Variants in GAK observed in about 807,000 individuals in gnomAD.
GAK encodes cyclin G associated kinase, also known as cyclin-G-associated kinase.
In GAK, 79 loss-of-function variants were observed where a neutral mutation model predicts 143.9. The ratio of observed to expected loss-of-function variants is 0.55; its 90% CI spans 0.46 to 0.66. The LOEUF is 0.66. GAK is among the 30% of genes least tolerant of loss of function. The probability of loss-of-function intolerance (pLI) is 0.00; values close to 1 mark genes in which losing one functional copy is unlikely to be tolerated. For synonymous variants in GAK, 881 were observed against 765.5 expected (o/e 1.15, Z -2.49); for missense variants, 1,693 against 1,779.7 (o/e 0.95, Z 0.88).
chr4:867,224 C>A lies in GAK; in HGVS notation c.2604G>T (p.Pro868=). Residue 868 remains proline, a synonymous_variant, in exon 21 of 28, where the codon CCG becomes CCT. Transcript: ENST00000314167. The part of the protein sequence containing the change: ...QQDLVFEVET[P]AVLPEPVPQE... The stretch of plus-strand genomic sequence containing the variant: ...GTGGCACAGGCTCTGGCAGCACAGC[C>A]GGTGTCTCCACCTCAAAAACCAAGT... The A allele has an allele frequency of 6.2e-7, 1 of 1,612,850 alleles. No homozygotes were observed. Among genetic ancestry groups the A allele is most frequent in the East Asian group, 2.2e-5 (1 of 44,868 alleles).
rs184760730 is a variant in GAK at position 886,051 on chromosome 4, C to T, written c.1206-1965G>A. ...GAAGTGCTGGGATTACACGAGCCAC[C>T]GTGCCCAGCCATCTTTTGAGCCTCC... On this transcript the variant is annotated intron_variant, in intron 11 of 27. Coordinates refer to ENST00000314167, the MANE Select transcript of GAK (RefSeq NM_005255.4). 1.9e-3 allele frequency: 282 copies of T among 152,408 alleles called. 2 individuals are homozygous for T. Among genetic ancestry groups the T allele is most frequent in the Non-Finnish European group, 2.4e-3 (166 of 68,082 alleles). 9.4% of individuals were successfully genotyped at this position (152,408 alleles called of 1,614,324 possible). A position where few individuals can be genotyped will look rare whatever the true frequency, so the allele number is the denominator to read the frequency against.
intron 23 of GAK, 62 bp downstream of exon 23, chr4:865,060 T>A: frequency 6.3e-7 from 1 of 1,575,100 alleles, no homozygotes; most frequent in Non-Finnish European, 8.6e-7. Context: ...ACGTGTGAAA[T>A]AGAGACGGGC....
intron 5 of GAK, among the ~76,000 whole-genome samples, chr4:904,403 A>T (rs921553824): frequency 9.8e-3 from 814 of 82,846 alleles, no homozygotes; most frequent in Middle Eastern, 0.043. Context: ...CACTACCTTG[A>T]GGTCCCTGTG....
intron 15 of GAK, among the ~76,000 whole-genome samples, chr4:880,210 G>A (rs1009658671): frequency 2.0e-5 from 3 of 150,514 alleles, no homozygotes; most frequent in South Asian, 2.1e-4. Flanking sequence ...TCTGACGAAC[G>A]CCCCACTGGA....
At chr4:891,506 CTG>C (rs1429922459) in intron 9 of GAK, among the ~76,000 whole-genome samples, 1 of 152,174 alleles carries the variant, frequency 6.6e-6, no homozygotes, top group Non-Finnish European at 1.5e-5. Flanking sequence ...CCATCATGGA[CTG>C]TGTTTTCTGG....
At chr4:908,436 G>C (rs1285267039) in intron 4 of GAK, among the ~76,000 whole-genome samples, 2 of 152,200 alleles carry the variant, frequency 1.3e-5, no homozygotes, top group African/African-American at 4.8e-5. Flanking sequence ...GCCTTGGTGG[G>C]AGGATCACCT....
At chr4:914,658 ACACAGCCCCAGCGTG>A (rs1335124115) in intron 1 of GAK, among the ~76,000 whole-genome samples, 2 of 104,550 alleles carry the variant, frequency 1.9e-5, no homozygotes, top group Non-Finnish European at 3.7e-5. Context: ...GGCCCCACAC[ACACAGCCCCAGCGTG>A]CACAGCCCCA....
chr4:894,282 G>A (rs1452863790), intron 7 of GAK: 1 of 365,324 alleles, frequency 2.7e-6, no homozygotes, highest in East Asian at 6.0e-5. Context: ...GGGGCCGTGG[G>A]GAGCGCAGGG....
intron 23 of GAK, among the ~76,000 whole-genome samples, chr4:864,530 T>A (rs1750807581): frequency 6.6e-6 from 1 of 152,104 alleles, no homozygotes; most frequent in South Asian, 2.1e-4. Flanking sequence ...AGCATACGCA[T>A]CCGCGCTACC....
At chr4:901,096 A>C (rs1029545621) in intron 5 of GAK, among the ~76,000 whole-genome samples, 2 of 152,264 alleles carry the variant, frequency 1.3e-5, no homozygotes, top group East Asian at 1.9e-4. Flanking sequence ...ATAAAGTAGG[A>C]GTGTACAGCC....
intron 24 of GAK, among the ~76,000 whole-genome samples, chr4:855,142 G>A (rs1423904240): frequency 6.6e-6 from 1 of 152,150 alleles, no homozygotes; most frequent in Non-Finnish European, 1.5e-5. Flanking sequence ...TGAGGCGTTG[G>A]TAGGAACTGC....
At chr4:930,692 C>G (rs1725535933) in intron 1 of GAK, among the ~76,000 whole-genome samples, 1 of 152,002 alleles carries the variant, frequency 6.6e-6, no homozygotes, top group Non-Finnish European at 1.5e-5. Flanking sequence ...ATGATTTGAT[C>G]TGAGAGAAAT....
intron 1 of GAK, among the ~76,000 whole-genome samples, chr4:929,961 G>A (rs1164733151): frequency 6.6e-6 from 1 of 152,158 alleles, no homozygotes; most frequent in Non-Finnish European, 1.5e-5. Flanking sequence ...AAATATTAAT[G>A]TATTCAATTA....
In GAK at chr4:911,751, A is replaced by G; in HGVS notation, c.304T>C (p.Cys102Arg). The change falls in exon 4 of 28, where the codon TGT becomes CGT. Residue 102 changes from cysteine to arginine, a missense_variant. Around this residue, in one of 2 missense-constraint regions of GAK, gnomAD observed 871 missense variants for 991.0 expected, o/e 0.88. Coordinates refer to ENST00000314167, the MANE Select transcript of GAK (RefSeq NM_005255.4). ...TCTTTTCCTATAGACGCTGCAGAAC[A>G]AAACTGGACAATGTTCGGGTGGCCG... ...LSGHPNIVQF[C>R]SAASIGKEES... 6.2e-7 allele frequency: 1 copy of G among 1,614,062 alleles called. No homozygotes were observed. Among genetic ancestry groups the G allele is most frequent in the South Asian group, 1.1e-5 (1 of 91,086 alleles).
chr4:915,916 AATT>A (rs780281295), intron 1 of GAK, among the ~76,000 whole-genome samples: 3 of 152,164 alleles, frequency 2.0e-5, no homozygotes, highest in African/African-American at 4.8e-5. Context: ...AAAGGAGTAA[AATT>A]ATTTTTATCT....
chr4:864,648 C>T (rs924995147), intron 23 of GAK, among the ~76,000 whole-genome samples: 2 of 152,050 alleles, frequency 1.3e-5, no homozygotes, highest in African/African-American at 4.8e-5. Context: ...GTCGCAAACA[C>T]GACTGCTGTA....
intron 22 of GAK, 128 bp downstream of exon 22, chr4:866,236 A>AC (rs397964868): frequency 2.3e-6 from 2 of 872,600 alleles, no homozygotes; most frequent in Non-Finnish European, 3.4e-6. Flanking sequence ...GGCCGCAAGG[A>AC]GCGCACCCGG....
chr4:906,077 C>T (rs947865788), intron 4 of GAK, among the ~76,000 whole-genome samples: 1 of 152,248 alleles, frequency 6.6e-6, no homozygotes, highest in Non-Finnish European at 1.5e-5. Flanking sequence ...GGCATCCCAG[C>T]AGTTGAGCTG....
intron 25 of GAK, 55 bp from the exon 26 acceptor site, chr4:851,139 C>A (rs1224381678): frequency 1.3e-5 from 19 of 1,496,846 alleles, no homozygotes; most frequent in Non-Finnish European, 4.6e-6. Context: ...ACTCTGTCAC[C>A]CAGGCCAGAG....
Sources: allele counts gnomAD v4.1 joint callset (sites outside exome capture counted in the v4.1 genomes callset), GRCh38; gene constraint gnomAD v4.1.1; regional missense constraint gnomAD v4.1.1; transcripts MANE v1.5; gene names NCBI Gene and HGNC (gene_info 2026-07-23, HGNC 2026-07-21).